The following ADCY3 variants were observed in gnomAD, a reference collection of about 807,000 sequenced individuals.
ADCY3 encodes the protein adenylate cyclase 3.
A neutral mutation model predicts 119.4 loss-of-function variants in ADCY3; 70 were observed. The observed-to-expected ratio is 0.59, with a 90% CI of 0.48 to 0.72. The LOEUF is 0.72. ADCY3 is among the 30% of genes least tolerant of loss of function. The probability of loss-of-function intolerance (pLI) is 0.00; values close to 1 mark genes in which losing one functional copy is unlikely to be tolerated. For synonymous variants in ADCY3, 672 were observed against 621.4 expected (o/e 1.08, Z -1.21); for missense variants, 1,238 against 1,541.6 (o/e 0.80, Z 3.30).
intron 2 of ADCY3, among the ~76,000 whole-genome samples, chr2:24,903,724 C>T (rs1043152774): frequency 3.3e-5 from 5 of 152,136 alleles, no homozygotes; most frequent in South Asian, 2.1e-4. Context: ...TAGGAGGGTG[C>T]GGGGGCACCA....
At chr2:24,844,803 G>A (rs1215859966) in intron 3 of ADCY3, among the ~76,000 whole-genome samples, 1 of 152,206 alleles carries the variant, frequency 6.6e-6, no homozygotes, top group African/African-American at 2.4e-5. Context: ...AGCAGTAATA[G>A]TGGTTTTGCG....
chr2:24,912,304 A>C (rs999692040), intron 2 of ADCY3, among the ~76,000 whole-genome samples: 3 of 141,490 alleles, frequency 2.1e-5, no homozygotes, highest in African/African-American at 7.9e-5. Flanking sequence ...CTCTATTTGA[A>C]AAAAAAAAAA....
intron 13 of ADCY3, among the ~76,000 whole-genome samples, chr2:24,829,559 TA>T (rs1669150966): frequency 6.6e-6 from 1 of 151,372 alleles, no homozygotes. Context: ...TAGCTGGGAC[TA>T]CAGGCGCCTG....
intron 19 of ADCY3, 35 bp downstream of exon 19, chr2:24,822,476 A>G: frequency 6.2e-7 from 1 of 1,606,646 alleles, no homozygotes; most frequent in Non-Finnish European, 8.5e-7. Flanking sequence ...CCTTGGGGGC[A>G]GAGCCTCATC....
At chr2:24,831,537 G>T in intron 12 of ADCY3, 125 bp downstream of exon 12, 1 of 773,556 alleles carries the variant, frequency 1.3e-6, no homozygotes. Flanking sequence ...TGCCTGGACC[G>T]TCCTAACAGA....
chr2:24,906,282 A>G (rs933377906), intron 2 of ADCY3, among the ~76,000 whole-genome samples: 5 of 135,478 alleles, frequency 3.7e-5, no homozygotes, highest in Non-Finnish European at 1.5e-5. Context: ...ACTCCAGCCT[A>G]GGCGAGAGAG....
intron 2 of ADCY3, among the ~76,000 whole-genome samples, chr2:24,874,346 T>G (rs1675389904): frequency 1.3e-5 from 2 of 152,230 alleles, no homozygotes; most frequent in Non-Finnish European, 2.9e-5. Context: ...CTACCCCGTT[T>G]GTGGGGCAAG....
intron 2 of ADCY3, among the ~76,000 whole-genome samples, chr2:24,881,635 C>G (rs1162819850): frequency 1.3e-5 from 2 of 152,214 alleles, no homozygotes; most frequent in Non-Finnish European, 2.9e-5. Context: ...CCTTGCACAG[C>G]TATTGGAACA....
At chr2:24,869,718 G>A (rs1003620699) in intron 3 of ADCY3, among the ~76,000 whole-genome samples, 6 of 152,140 alleles carry the variant, frequency 3.9e-5, no homozygotes, top group African/African-American at 1.4e-4. Context: ...CTACAGGCCA[G>A]CCACATGCCT....
At chr2:24,871,822 CA>C (rs1312319485) in intron 3 of ADCY3, among the ~76,000 whole-genome samples, 7 of 152,132 alleles carry the variant, frequency 4.6e-5, no homozygotes, top group Non-Finnish European at 8.8e-5. Context: ...TAATCCAGGC[CA>C]AAACTATGTA....
At position 24,829,315 on chromosome 2, in the gene ADCY3, C is replaced by G. The variant is rs576148943; in HGVS notation, c.2173-1154G>C. On this transcript the variant is annotated intron_variant, in intron 13 of 21. Transcript: ENST00000679454. ...TACAAGTGTGAGCCACCGCGCCCGG[C>G]CCCCCACTGGACTTCTGATTAGCTG... 5.9e-4 allele frequency among the ~76,000 whole-genome samples: 90 copies of G among 152,008 alleles called. 1 individual carries two copies. Among genetic ancestry groups the G allele is most frequent in the African/African-American group, 2.0e-3 (84 of 41,466 alleles).
chr2:24,858,110 C>T (rs1370356067), intron 3 of ADCY3, among the ~76,000 whole-genome samples: 3 of 151,168 alleles, frequency 2.0e-5, no homozygotes, highest in African/African-American at 4.9e-5. Flanking sequence ...GTGATCCTCC[C>T]GCCTCAGCCT....
intron 2 of ADCY3, among the ~76,000 whole-genome samples, chr2:24,894,423 T>C (rs1468735787): frequency 6.6e-6 from 1 of 152,176 alleles, no homozygotes; most frequent in Non-Finnish European, 1.5e-5. Context: ...TACAGTGAGC[T>C]ATAATTGTGC....
Position 24,821,655 on chromosome 2 carries a change from C to T in ADCY3, c.3004-15G>A, listed in dbSNP as rs775113009. 1.9e-6 allele frequency: 3 copies of T among 1,613,192 alleles called. No individual in the cohort carries two copies. The highest frequency in any genetic ancestry group is 1.1e-5 in the South Asian group (1 of 90,996). On this transcript the variant is annotated splice_polypyrimidine_tract_variant and intron_variant, in intron 19 of 21. Coordinates refer to ENST00000679454, the MANE Select transcript of ADCY3 (RefSeq NM_004036.5). The stretch of plus-strand genomic sequence containing the variant: ...GACTTGTCTTCCTGTGCCAGGGGAC[C>T]GTGGAGAAAGTGTCAGGGGCCGCTC...
chr2:24,826,139 G>T lies in ADCY3; in HGVS notation c.2496-13C>A. 1 of 1,613,144 alleles carries T rather than the reference G, an allele frequency of 6.2e-7. No homozygotes were observed. Among genetic ancestry groups the T allele is most frequent in the Non-Finnish European group, 8.5e-7 (1 of 1,179,290 alleles). ...CACCAGGGGCAGCCTGCTGGGCAGA[G>T]CGTGTGCAACTGAAAGGGCTGTCAT... is the stretch of plus-strand genomic sequence containing the variant. On this transcript the variant is annotated splice_polypyrimidine_tract_variant and intron_variant, in intron 15 of 21. Transcript: ENST00000679454.
In ADCY3 at chr2:24,842,674, CAAG is replaced by C. The variant is rs1671162024; in HGVS notation, c.826-293_826-291del. ...CTCTGTGCTCAGCATCCTCGTGCCA[CAAG>C]AAGCGCAGCAGTCCTGCGTGGGCTG... On this transcript the variant is annotated intron_variant, in intron 3 of 21. Transcript: ENST00000679454. The surrounding 1 kb of genome is among the most constrained non-coding windows in gnomAD (Gnocchi z 4.9). The C allele has an allele frequency of 4.9e-6, 2 of 404,422 alleles. No individual in the cohort carries two copies. The highest frequency in any genetic ancestry group is 9.4e-6 in the Non-Finnish European group (2 of 213,638). 25.1% of individuals were successfully genotyped at this position (404,422 alleles called of 1,614,324 possible). A position where few individuals can be genotyped will look rare whatever the true frequency, so the allele number is the denominator to read the frequency against.
At chr2:24,879,475 A>G (rs1473670085) in intron 2 of ADCY3, among the ~76,000 whole-genome samples, 2 of 144,848 alleles carry the variant, frequency 1.4e-5, no homozygotes, top group Non-Finnish European at 3.0e-5. Flanking sequence ...AAAAAAAAAA[A>G]AGACTGAAAG....
At chr2:24,823,005 C>A (rs1007550021) in intron 18 of ADCY3, among the ~76,000 whole-genome samples, 3 of 152,180 alleles carry the variant, frequency 2.0e-5, no homozygotes, top group African/African-American at 7.2e-5. Context: ...TATCCTGTGA[C>A]CCTGTGGGTG....
chr2:24,918,855 A>T lies in ADCY3; in HGVS notation c.133T>A (p.Ser45Thr). Residue 45 changes from serine (S) to threonine (T), a missense_variant, in exon 2 of 22, where the codon TCC becomes ACC. By Grantham distance (58) the Ser-to-Thr change is moderately conservative (BLOSUM62 1). Around this residue, in one of 7 missense-constraint regions of ADCY3, gnomAD observed 227 missense variants for 249.3 expected, o/e 0.91. Transcript: ENST00000679454. The surrounding 1 kb of genome is among the most constrained non-coding windows in gnomAD (Gnocchi z 5.4). ...ATGAAGCGAGGCAGGCACAGGCAGGAGCCCGAGTTCCGGACCGAGATTTCA... is the reference window on the plus strand; with the variant it reads ...ATGAAGCGAGGCAGGCACAGGCAGGTGCCCGAGTTCCGGACCGAGATTTCA... ...THEISVRNSG[S>T]CLCLPRFMRL... The T allele has an allele frequency of 6.2e-7, 1 of 1,613,334 alleles. No individual in the cohort carries two copies.
Sources: allele counts gnomAD v4.1 joint callset (sites outside exome capture counted in the v4.1 genomes callset), GRCh38; gene constraint gnomAD v4.1.1; regional missense constraint gnomAD v4.1.1; non-coding constraint Gnocchi (gnomAD v3.1); transcripts MANE v1.5; gene names NCBI Gene and HGNC (gene_info 2026-07-23, HGNC 2026-07-21).